ANK3: variants seen among roughly 807,000 people sequenced by gnomAD.
The protein encoded by ANK3 is ankyrin-3.
ANK3 carries 57 observed loss-of-function variants against 370.9 expected under a neutral mutation model. The observed-to-expected ratio is 0.15, with a 90% CI of 0.12 to 0.19. The LOEUF (loss-of-function observed/expected upper bound fraction) is 0.19. Among genes scored for constraint, ANK3 ranks in the 10% least tolerant of loss-of-function variants. The pLI is 1.00. For synonymous variants in ANK3, 1,929 were observed against 1,946.3 expected, an observed-to-expected ratio of 0.99 and a Z score of 0.23; for missense variants, 4,439 against 5,302.1, an observed-to-expected ratio of 0.84 and a Z score of 5.06.
At chr10:60,137,724 G>T (rs1203166403) in intron 24 of ANK3, among the ~76,000 whole-genome samples, 2 of 152,000 alleles carry the variant, frequency 1.3e-5, no homozygotes, top group African/African-American at 4.8e-5. Context: ...TGTCACTGGA[G>T]GTCAGCTACT....
At chr10:60,225,921 G>A (rs539279054) in intron 8 of ANK3, among the ~76,000 whole-genome samples, 1 of 148,936 alleles carries the variant, frequency 6.7e-6, no homozygotes, top group Non-Finnish European at 1.5e-5. Flanking sequence ...TTTTTTGGGG[G>A]GATAGTTGTT....
At chr10:60,323,031 C>G (rs1253853171) in intron 1 of ANK3, among the ~76,000 whole-genome samples, 3 of 152,156 alleles carry the variant, frequency 2.0e-5, no homozygotes, top group Non-Finnish European at 4.4e-5. Context: ...GATATCCCCA[C>G]AAGCAGACCT....
At chr10:60,543,543 C>T (rs1026337500) in intron 2 of ANK3, among the ~76,000 whole-genome samples, 2 of 151,960 alleles carry the variant, frequency 1.3e-5, no homozygotes, top group Non-Finnish European at 2.9e-5. Context: ...CAGATAGGCA[C>T]ACATACACGC....
rs12267023 is a variant in ANK3, at chr10:60,474,019, G to C, written c.96+141167C>G. ...ATGGTGGTGCACACCTGTAGTCACA[G>C]CTACTTGGGAGGCTGAGGCGGGAGG... On this transcript the variant is annotated intron_variant, in intron 2 of 43. Transcript: ENST00000373827. 3.0e-3 allele frequency among the ~76,000 whole-genome samples: 452 copies of C among 148,692 alleles called. 4 individuals are homozygous for C. Among genetic ancestry groups the C allele is most frequent in the African/African-American group, 0.011 (441 of 40,226 alleles).
chr10:60,204,590 T>C (rs780316693), intron 11 of ANK3, among the ~76,000 whole-genome samples: 7 of 152,188 alleles, frequency 4.6e-5, no homozygotes, highest in Non-Finnish European at 8.8e-5. Flanking sequence ...CAACAATCAC[T>C]AGACTAGACT....
intron 1 of ANK3, among the ~76,000 whole-genome samples, chr10:60,628,876 T>C (rs921773340): frequency 1.4e-4 from 22 of 152,198 alleles, no homozygotes; most frequent in African/African-American, 5.3e-4. Flanking sequence ...ATGCCTAACA[T>C]TTCCAATTGG....
intron 1 of ANK3, among the ~76,000 whole-genome samples, chr10:60,693,061 C>T (rs567218143): frequency 5.9e-5 from 9 of 152,278 alleles, no homozygotes; most frequent in Admixed American, 1.3e-4. Context: ...ATGCACGAGC[C>T]GAAGCAGGGC....
At chr10:60,109,809 T>C (rs1217299085) in intron 26 of ANK3, among the ~76,000 whole-genome samples, 2 of 152,232 alleles carry the variant, frequency 1.3e-5, no homozygotes, top group Non-Finnish European at 1.5e-5. Flanking sequence ...TATTAATAGG[T>C]ATAGAACTAT....
At chr10:60,621,469 A>G (rs1416414609) in intron 1 of ANK3, among the ~76,000 whole-genome samples, 2 of 152,336 alleles carry the variant, frequency 1.3e-5, no homozygotes, top group African/African-American at 4.8e-5. Flanking sequence ...ATTCTCATTT[A>G]CAATATTTTT....
At chr10:60,143,277 A>G (rs999370172) in intron 23 of ANK3, among the ~76,000 whole-genome samples, 2 of 152,214 alleles carry the variant, frequency 1.3e-5, no homozygotes, top group African/African-American at 4.8e-5. Context: ...ACTCCTTTCA[A>G]TGAACAAAAC....
At chr10:60,372,397 G>A (rs1220175067) in intron 1 of ANK3, among the ~76,000 whole-genome samples, 3 of 151,886 alleles carry the variant, frequency 2.0e-5, no homozygotes, top group Non-Finnish European at 2.9e-5. Flanking sequence ...GGGGTATCAC[G>A]ATTCTCTGTC....
intron 1 of ANK3, among the ~76,000 whole-genome samples, chr10:60,661,278 A>G (rs1385774950): frequency 1.3e-5 from 2 of 152,046 alleles, no homozygotes; most frequent in African/African-American, 4.8e-5. Context: ...AAAATAGTAT[A>G]TTTATACTTC....
intron 11 of ANK3, among the ~76,000 whole-genome samples, chr10:60,204,742 C>A (rs1404513827): frequency 6.6e-6 from 1 of 152,002 alleles, no homozygotes; most frequent in Non-Finnish European, 1.5e-5. Context: ...GAGCCTTCAG[C>A]CTCTGGGGTT....
intron 2 of ANK3, among the ~76,000 whole-genome samples, chr10:60,456,334 T>A (rs77512729): frequency 0.08 from 12,152 of 152,288 alleles, 683 homozygotes; most frequent in Non-Finnish European, 0.12. Flanking sequence ...CTATTTCCTA[T>A]CATTAGTCAA....
At chr10:60,477,331 G>A (rs2075093568) in intron 2 of ANK3, among the ~76,000 whole-genome samples, 1 of 152,000 alleles carries the variant, frequency 6.6e-6, no homozygotes, top group African/African-American at 2.4e-5. Context: ...GATCTTGCAA[G>A]TCCAAATACC....
At position 60,026,974 on chromosome 10, in the gene ANK3, C is replaced by T. The variant is rs975615436; in HGVS notation, c.*2872G>A. On this transcript the variant is annotated 3_prime_UTR_variant, in exon 44 of 44. Transcript: ENST00000280772. ...AATACATAATGTCACATTCAATCTA[C>T]ATATACATGTATAAATATATGCATA... 5 of 152,138 alleles carry T rather than the reference C, an allele frequency of 3.3e-5. No homozygotes were observed. Among genetic ancestry groups the T allele is most frequent in the African/African-American group, 1.2e-4 (5 of 41,430 alleles). 9.4% of individuals were successfully genotyped at this position (152,138 alleles called of 1,614,324 possible).
chr10:60,480,770 A>G (rs543539053), intron 2 of ANK3, among the ~76,000 whole-genome samples: 1 of 152,320 alleles, frequency 6.6e-6, no homozygotes, highest in East Asian at 1.9e-4. Flanking sequence ...ACTTGATGAT[A>G]CTTGCCAAAA....
At chr10:60,455,010 T>C (rs561747906) in intron 2 of ANK3, among the ~76,000 whole-genome samples, 2 of 152,328 alleles carry the variant, frequency 1.3e-5, no homozygotes, top group South Asian at 4.1e-4. Context: ...TTCTTTGGTG[T>C]GGTGTGCCCA....
At chr10:60,130,128 G>A (rs894724426) in intron 25 of ANK3, among the ~76,000 whole-genome samples, 3 of 152,172 alleles carry the variant, frequency 2.0e-5, no homozygotes, top group Non-Finnish European at 2.9e-5. Context: ...ACAGTCTACT[G>A]TTGATTGTCC....
Sources: allele counts gnomAD v4.1 joint callset (sites outside exome capture counted in the v4.1 genomes callset), GRCh38; gene constraint gnomAD v4.1.1; transcripts MANE v1.5; gene names NCBI Gene and HGNC (gene_info 2026-07-23, HGNC 2026-07-21).